Variants in VEGFC observed in about 807,000 individuals in gnomAD.
The protein encoded by VEGFC is vascular endothelial growth factor C, also known as FLT4 ligand DHM.
A neutral mutation model predicts 46.1 loss-of-function variants in VEGFC; 12 were observed. The ratio of observed to expected loss-of-function variants is 0.26; its 90% CI spans 0.17 to 0.42. The LOEUF (loss-of-function observed/expected upper bound fraction) is 0.42, where lower values mean the gene tolerates loss of function less well. Ranked by LOEUF, VEGFC falls within the 10% of genes least tolerant of loss-of-function variation. The probability of loss-of-function intolerance (pLI) is 1.00; values close to 1 mark genes in which losing one functional copy is unlikely to be tolerated. For missense variants in VEGFC, 488 were observed against 529.4 expected, an observed-to-expected ratio of 0.92 and a Z score of 0.77; for synonymous variants, 232 against 195.5, an observed-to-expected ratio of 1.19 and a Z score of -1.56.
At position 176,727,969 on chromosome 4, in the gene VEGFC, C is replaced by A; in HGVS notation, c.362-1G>T. On this transcript the variant is annotated splice_acceptor_variant, in intron 2 of 6. Transcript: ENST00000618562. LOFTEE classifies it high-confidence loss of function. ...GTCTTTCTCCACTCATTATCAATACCTGTCAAGTCATAGGGAAATCAGTAA... is the reference window on the plus strand; with the variant it reads ...GTCTTTCTCCACTCATTATCAATACATGTCAAGTCATAGGGAAATCAGTAA... The A allele has an allele frequency of 6.3e-7, 1 of 1,596,382 alleles. No homozygotes were observed. The highest frequency in any genetic ancestry group is 8.6e-7 in the Non-Finnish European group (1 of 1,169,382).
At chr4:176,734,945 A>AT (rs945909492) in intron 1 of VEGFC, among the ~76,000 whole-genome samples, 52 of 149,528 alleles carry the variant, frequency 3.5e-4, no homozygotes, top group Middle Eastern at 3.4e-3. Context: ...GCATTCAGCC[A>AT]TTTTTTTTTT....
intron 6 of VEGFC, among the ~76,000 whole-genome samples, chr4:176,686,451 A>G (rs1485761): frequency 1 from 151,648 of 152,206 alleles, 75,548 homozygotes; most frequent in Middle Eastern, 1. Context: ...TTTATAAACT[A>G]AGGGGAAAAA....
rs979439000 is a variant in VEGFC at position 176,685,202 on chromosome 4, T to C, written c.1146-1162A>G. On this transcript the variant is annotated intron_variant, in intron 6 of 6. Coordinates refer to ENST00000618562, the MANE Select transcript of VEGFC (RefSeq NM_005429.5). ...TTATTTGGCTCTAGAAAAGAAAGCA[T>C]GTCTAGTTAATTTTTCTTAAACTTT... Among the ~76,000 whole-genome samples, 3 of 152,228 alleles carry C rather than the reference T, an allele frequency of 2.0e-5. No homozygotes were observed. In the South Asian group the frequency reaches 6.2e-4, roughly 32 times the overall value.
chr4:176,689,449 G>A (rs1482136354), intron 4 of VEGFC: 1 of 152,100 alleles, frequency 6.6e-6, no homozygotes, highest in African/African-American at 2.4e-5. Context: ...CATCATTTCT[G>A]AAGATTTACC....
intron 1 of VEGFC, among the ~76,000 whole-genome samples, chr4:176,730,317 A>T (rs1734942118): frequency 6.6e-6 from 1 of 152,136 alleles, no homozygotes; most frequent in African/African-American, 2.4e-5. Context: ...TATCATCAAG[A>T]TTAATACCAC....
At chr4:176,692,738 T>C (rs911498574) in intron 4 of VEGFC, among the ~76,000 whole-genome samples, 2 of 148,756 alleles carry the variant, frequency 1.3e-5, no homozygotes, top group Non-Finnish European at 3.0e-5. Context: ...TCTGACAGCT[T>C]TGAAGAGAGC....
chr4:176,759,835 T>C (rs1315565163), intron 1 of VEGFC, among the ~76,000 whole-genome samples: 1 of 152,140 alleles, frequency 6.6e-6, no homozygotes, highest in Non-Finnish European at 1.5e-5. Context: ...TTGGTTTATA[T>C]CGCATTTGCC....
intron 4 of VEGFC, among the ~76,000 whole-genome samples, chr4:176,709,339 G>C (rs938959587): frequency 6.6e-6 from 1 of 152,162 alleles, no homozygotes; most frequent in South Asian, 2.1e-4. Flanking sequence ...AAGTATTTTT[G>C]AGTGTTGTTA....
At position 176,687,265 on chromosome 4, in the gene VEGFC, C is replaced by T. The variant is rs761889542; in HGVS notation, c.1067G>A (p.Gly356Glu). The change falls in exon 6 of 7, where the codon GGA becomes GAA. Residue 356 changes from glycine to glutamate, a missense_variant. Coordinates refer to ENST00000618562, the MANE Select transcript of VEGFC (RefSeq NM_005429.5). ...TTCTGTACATTCACAGGCACATTTT[C>T]CAGGATTTAGGGGTTGATTTCTGGG... The part of the protein sequence containing the change: ...TCPRNQPLNP[G>E]KCACECTESP... The T allele has an allele frequency of 1.2e-6, 2 of 1,614,118 alleles. No homozygotes were observed. The highest frequency in any genetic ancestry group is 1.7e-5 in the Admixed American group (1 of 60,014).
chr4:176,784,336 C>T (rs1012120742), intron 1 of VEGFC, among the ~76,000 whole-genome samples: 12 of 152,000 alleles, frequency 7.9e-5, no homozygotes, highest in Non-Finnish European at 1.5e-4. Flanking sequence ...TCCCAAAGTG[C>T]TGGGATTACA....
At chr4:176,729,788 G>A in intron 1 of VEGFC, 42 bp from the exon 2 acceptor site, 1 of 1,491,214 alleles carries the variant, frequency 6.7e-7, no homozygotes, top group South Asian at 1.4e-5. Flanking sequence ...ACCAGCTTAA[G>A]GGATTTAGAA....
chr4:176,720,073 T>A (rs1734758555), intron 3 of VEGFC, among the ~76,000 whole-genome samples: 1 of 151,414 alleles, frequency 6.6e-6, no homozygotes. Flanking sequence ...AAAAAAAAAA[T>A]TCCTTATACT....
intron 3 of VEGFC, among the ~76,000 whole-genome samples, chr4:176,714,036 G>A (rs1734659425): frequency 6.6e-6 from 1 of 152,168 alleles, no homozygotes; most frequent in Non-Finnish European, 1.5e-5. Context: ...TGACTAGTGG[G>A]AAAGGGCTCA....
chr4:176,778,028 G>C (rs1351683173), intron 1 of VEGFC, among the ~76,000 whole-genome samples: 2 of 146,356 alleles, frequency 1.4e-5, no homozygotes, highest in Non-Finnish European at 3.0e-5. Flanking sequence ...TTATTTTACA[G>C]CTTATTTTAC....
intron 1 of VEGFC, among the ~76,000 whole-genome samples, chr4:176,736,177 T>A (rs1212789508): frequency 2.0e-5 from 3 of 151,888 alleles, no homozygotes; most frequent in African/African-American, 2.4e-5. Flanking sequence ...GAAGACCACA[T>A]GCTTTTGGAC....
intron 4 of VEGFC, among the ~76,000 whole-genome samples, chr4:176,696,211 A>T (rs1459507009): frequency 6.7e-6 from 1 of 148,842 alleles, no homozygotes; most frequent in Non-Finnish European, 1.5e-5. Flanking sequence ...TTTGCAGACA[A>T]CATGATTGTA....
chr4:176,785,304 C>A (rs1257557517), intron 1 of VEGFC, among the ~76,000 whole-genome samples: 1 of 152,198 alleles, frequency 6.6e-6, no homozygotes, highest in Non-Finnish European at 1.5e-5. Flanking sequence ...AAATATACAT[C>A]TTTCCACCTG....
chr4:176,707,903 GC>G (rs1734561971), intron 4 of VEGFC, among the ~76,000 whole-genome samples: 1 of 152,052 alleles, frequency 6.6e-6, no homozygotes, highest in Admixed American at 6.6e-5. Flanking sequence ...TATTGCTTAT[GC>G]TTGGTCCTTG....
At position 176,697,451 on chromosome 4, in the gene VEGFC, C is replaced by T. The variant is rs552208750; in HGVS notation, c.705-9524G>A. Among the ~76,000 whole-genome samples, 8 of 152,254 alleles carry T rather than the reference C, an allele frequency of 5.3e-5. No homozygotes were observed. In the East Asian group the frequency reaches 9.7e-4, roughly 18 times the overall value. ...TACAATGAGATACCATCTCACACCA[C>T]GTAGAATGGCAATCATTCAAAAGTC... On this transcript the variant is annotated intron_variant, in intron 4 of 6. Transcript: ENST00000618562.
Sources: allele counts gnomAD v4.1 joint callset (sites outside exome capture counted in the v4.1 genomes callset), GRCh38; gene constraint gnomAD v4.1.1; transcripts MANE v1.5; gene names NCBI Gene and HGNC (gene_info 2026-07-23, HGNC 2026-07-21).